The following NUDCD1 variants were observed in gnomAD, a reference collection of about 807,000 sequenced individuals.
NUDCD1 encodes the protein nudC domain-containing protein 1.
NUDCD1 carries 60 observed loss-of-function variants against 67.8 expected under a neutral mutation model. The ratio of observed to expected loss-of-function variants is 0.88; its 90% confidence interval spans 0.72 to 1.10. NUDCD1 has a LOEUF of 1.10. Ranked by LOEUF, NUDCD1 falls within the 50% of genes least tolerant of loss-of-function variation. The pLI is 0.00. For synonymous variants in NUDCD1, 244 were observed against 230.8 expected (o/e 1.06, Z -0.52); for missense variants, 643 against 695.0 (o/e 0.93, Z 0.84).
intron 8 of NUDCD1, among the ~76,000 whole-genome samples, chr8:109,248,427 G>T (rs936612074): frequency 6.6e-6 from 1 of 152,072 alleles, no homozygotes. Flanking sequence ...TCTCCAAATT[G>T]TAAAGAAATT....
intron 8 of NUDCD1, among the ~76,000 whole-genome samples, chr8:109,259,090 A>G (rs73700846): frequency 0.011 from 1,654 of 152,340 alleles, 27 homozygotes; most frequent in African/African-American, 0.037. Flanking sequence ...GGCACTAAAT[A>G]TAAGTCCTTA....
At chr8:109,261,123 CAT>C (rs1484225215) in intron 8 of NUDCD1, among the ~76,000 whole-genome samples, 1 of 152,046 alleles carries the variant, frequency 6.6e-6, no homozygotes, top group Non-Finnish European at 1.5e-5. Context: ...CTAGGGGAAA[CAT>C]ATTCATTAGA....
chr8:109,270,073 G>C (rs1338202340), intron 8 of NUDCD1, among the ~76,000 whole-genome samples: 1 of 69,202 alleles, frequency 1.4e-5, no homozygotes, highest in Non-Finnish European at 3.1e-5. Context: ...GGGGCGGGGG[G>C]GGGGGGGGGT....
chr8:109,271,663 T>C (rs1482369780), intron 7 of NUDCD1, among the ~76,000 whole-genome samples: 1 of 152,110 alleles, frequency 6.6e-6, no homozygotes, highest in Non-Finnish European at 1.5e-5. Context: ...TGGCCAACAC[T>C]TTAGAATGTC....
intron 7 of NUDCD1, among the ~76,000 whole-genome samples, chr8:109,272,125 A>G (rs1366627410): frequency 2.0e-5 from 3 of 152,100 alleles, no homozygotes; most frequent in African/African-American, 7.2e-5. Flanking sequence ...AGGAAAAGGC[A>G]AATATAAGAG....
intron 2 of NUDCD1, among the ~76,000 whole-genome samples, chr8:109,303,888 G>A (rs1294745758): frequency 3.3e-5 from 5 of 151,916 alleles, no homozygotes; most frequent in East Asian, 1.9e-4. Flanking sequence ...CTCTCCTTAC[G>A]ATTCCCCCAT....
At chr8:109,273,961 G>C (rs1046545713) in intron 7 of NUDCD1, among the ~76,000 whole-genome samples, 2 of 151,980 alleles carry the variant, frequency 1.3e-5, no homozygotes, top group African/African-American at 4.8e-5. Context: ...TATGTAAAAG[G>C]ATAATACATC....
At chr8:109,294,839 T>G (rs1422671890) in intron 3 of NUDCD1, among the ~76,000 whole-genome samples, 1 of 151,974 alleles carries the variant, frequency 6.6e-6, no homozygotes, top group African/African-American at 2.4e-5. Flanking sequence ...CCCCCCACCA[T>G]GCTCCGTAAT....
chr8:109,331,204 G>A (rs868495033), intron 1 of NUDCD1, among the ~76,000 whole-genome samples: 1 of 152,034 alleles, frequency 6.6e-6, no homozygotes, highest in East Asian at 1.9e-4. Flanking sequence ...GCTTGGTGGC[G>A]GGCACTTGTA....
intron 1 of NUDCD1, among the ~76,000 whole-genome samples, chr8:109,333,410 G>A (rs1815862023): frequency 6.6e-6 from 1 of 152,178 alleles, no homozygotes; most frequent in Non-Finnish European, 1.5e-5. Context: ...GCCAGGAACT[G>A]AGTAATTAAA....
intron 1 of NUDCD1, among the ~76,000 whole-genome samples, chr8:109,324,120 G>A (rs887368772): frequency 2.0e-5 from 3 of 151,520 alleles, no homozygotes; most frequent in Non-Finnish European, 4.4e-5. Context: ...AAACAACCTA[G>A]TGAAGAGACA....
intron 5 of NUDCD1, among the ~76,000 whole-genome samples, chr8:109,285,227 T>C (rs1160366908): frequency 1.3e-5 from 2 of 151,966 alleles, no homozygotes; most frequent in Admixed American, 1.3e-4. Context: ...CAAACTCTAC[T>C]AGACATACAA....
At chr8:109,326,126 A>C (rs1449907854) in intron 1 of NUDCD1, among the ~76,000 whole-genome samples, 1 of 152,258 alleles carries the variant, frequency 6.6e-6, no homozygotes, top group African/African-American at 2.4e-5. Context: ...CATTTTCTTC[A>C]TATCTGTGCA....
At position 109,297,423 on chromosome 8, in the gene NUDCD1, T is replaced by C. The variant is rs1046016291; in HGVS notation, c.274-854A>G. 9.8e-5 allele frequency among the ~76,000 whole-genome samples: 15 copies of C among 152,310 alleles called. No homozygotes were observed. In the East Asian group the frequency reaches 2.9e-3, roughly 29 times the overall value. On this transcript the variant is annotated intron_variant, in intron 2 of 9. Coordinates refer to ENST00000239690, the MANE Select transcript of NUDCD1 (RefSeq NM_032869.4). Reference sequence around the variant, plus strand: ...CTGAGTTAAAACCTAATCACCAAAGTGATGTTACTAGAAGTTAGGGCTTCT... The same window carrying C: ...CTGAGTTAAAACCTAATCACCAAAGCGATGTTACTAGAAGTTAGGGCTTCT...
intron 2 of NUDCD1, among the ~76,000 whole-genome samples, chr8:109,310,049 G>A (rs2130091347): frequency 6.6e-6 from 1 of 152,028 alleles, no homozygotes; most frequent in African/African-American, 2.4e-5. Flanking sequence ...TGACCATACT[G>A]CCAAAAACAA....
chr8:109,270,084 GC>G (rs1563665942), intron 8 of NUDCD1, among the ~76,000 whole-genome samples: 1,437 of 4,660 alleles, frequency 0.31, 179 homozygotes, highest in Non-Finnish European at 0.38. Flanking sequence ...GGGGGGGGGT[GC>G]CTTAAGGTGG....
intron 8 of NUDCD1, among the ~76,000 whole-genome samples, chr8:109,264,584 C>G (rs1300065992): frequency 1.3e-5 from 2 of 152,048 alleles, no homozygotes; most frequent in Non-Finnish European, 1.5e-5. Flanking sequence ...AGTAACAGAG[C>G]ATGAAAAGTT....
At chr8:109,289,196 C>T (rs887333320) in intron 5 of NUDCD1, among the ~76,000 whole-genome samples, 7 of 152,042 alleles carry the variant, frequency 4.6e-5, no homozygotes, top group East Asian at 3.9e-4. Context: ...AGGATGGTCT[C>T]GATCTCCTGA....
At chr8:109,264,046 T>C (rs1813931603) in intron 8 of NUDCD1, among the ~76,000 whole-genome samples, 1 of 152,194 alleles carries the variant, frequency 6.6e-6, no homozygotes, top group Admixed American at 6.5e-5. Flanking sequence ...CTTTTTAGTA[T>C]TCTGCATGAC....
Sources: gnomAD v4.1 joint callset for allele counts (sites outside exome capture counted in the v4.1 genomes callset) on GRCh38, gnomAD v4.1.1 for gene constraint, MANE v1.5 for transcripts, NCBI Gene and HGNC (gene_info 2026-07-23, HGNC 2026-07-21) for gene names.